TOGARAM1: variants seen among roughly 807,000 people sequenced by gnomAD.
TOGARAM1 encodes the protein TOG array regulator of axonemal microtubules protein 1.
TOGARAM1 carries 100 observed loss-of-function variants against 166.6 expected under a neutral mutation model. The observed-to-expected ratio is 0.60, with a 90% CI of 0.51 to 0.71. The LOEUF is 0.71. Among genes scored for constraint, TOGARAM1 ranks in the 30% least tolerant of loss-of-function variants. The probability of loss-of-function intolerance (pLI) is 0.00; values close to 1 mark genes in which losing one functional copy is unlikely to be tolerated. For synonymous variants in TOGARAM1, 758 were observed against 763.8 expected (o/e 0.99, Z 0.13); for missense variants, 2,029 against 2,102.7 (o/e 0.96, Z 0.69).
At position 45,070,148 on chromosome 14, in the gene TOGARAM1, C is replaced by CT. The variant is rs573482461; in HGVS notation, c.4969+1507dup. Among the ~76,000 whole-genome samples the CT allele has an allele frequency of 1.4e-4, 21 of 152,136 alleles. No homozygotes were observed. The East Asian group carries it at 3.7e-3, about 27-fold the overall frequency. On this transcript the variant is annotated intron_variant, in intron 18 of 19. Coordinates refer to ENST00000361462, the MANE Select transcript of TOGARAM1 (RefSeq NM_001308120.2). Reference sequence around the variant, plus strand: ...AGTGAACCAAGATCACGCCACTGCACTTCAGCCTGGATGACAGAGTGAGAC... The same window carrying CT: ...AGTGAACCAAGATCACGCCACTGCACTTTCAGCCTGGATGACAGAGTGAGAC...
At chr14:45,051,415 C>A (rs897686379) in intron 14 of TOGARAM1, among the ~76,000 whole-genome samples, 1 of 152,122 alleles carries the variant, frequency 6.6e-6, no homozygotes, top group Non-Finnish European at 1.5e-5. Flanking sequence ...TCACAATTCT[C>A]CCAAATGCCA....
chr14:45,034,795 ATATT>A (rs1323533854), intron 11 of TOGARAM1, among the ~76,000 whole-genome samples: 1 of 152,230 alleles, frequency 6.6e-6, no homozygotes, highest in Non-Finnish European at 1.5e-5. Context: ...AAGCTGAAGA[ATATT>A]TATAGGAATA....
At chr14:44,999,121 T>A (rs1303473106) in intron 2 of TOGARAM1, among the ~76,000 whole-genome samples, 2 of 152,200 alleles carry the variant, frequency 1.3e-5, no homozygotes, top group Admixed American at 6.5e-5. Flanking sequence ...TTTGCAGATA[T>A]TCTTCAACAT....
chr14:44,992,139 A>T (rs1361774605), intron 1 of TOGARAM1, among the ~76,000 whole-genome samples: 2 of 149,614 alleles, frequency 1.3e-5, no homozygotes, highest in African/African-American at 2.4e-5. Flanking sequence ...TATAGCACTT[A>T]TAAGGGGTTT....
At chr14:45,069,806 G>C (rs1030024631) in intron 18 of TOGARAM1, among the ~76,000 whole-genome samples, 1 of 152,160 alleles carries the variant, frequency 6.6e-6, no homozygotes, top group African/African-American at 2.4e-5. Context: ...AGGTTTGGCA[G>C]TTTCTTTAAA....
In TOGARAM1 at chr14:45,043,797, C is replaced by T; in HGVS notation, c.3918+6C>T. The T allele has an allele frequency of 3.3e-6, 5 of 1,509,956 alleles. No individual in the cohort carries two copies. The highest frequency in any genetic ancestry group is 4.6e-6 in the Non-Finnish European group (5 of 1,085,496). 93.5% of individuals were successfully genotyped at this position (1,509,956 alleles called of 1,614,324 possible). A position where few individuals can be genotyped will look rare whatever the true frequency, so the allele number is the denominator to read the frequency against. On this transcript the variant is annotated splice_donor_region_variant and intron_variant, in intron 12 of 19. Transcript: ENST00000361462. The stretch of plus-strand genomic sequence containing the variant: ...ATTTTGCAGTTGTTCAAGAGGTAAA[C>T]TTATTTTTCAGATGAGTTAAGGATT...
chr14:44,975,051 A>T (rs1001180330), intron 1 of TOGARAM1, among the ~76,000 whole-genome samples: 2 of 152,104 alleles, frequency 1.3e-5, no homozygotes, highest in Admixed American at 1.3e-4. Context: ...TAACAAAGAG[A>T]TTCTTGCTTC....
chr14:45,054,368 G>T, intron 15 of TOGARAM1, 63 bp from the exon 16 acceptor site: 3 of 995,772 alleles, frequency 3.0e-6, no homozygotes, highest in South Asian at 1.6e-5. Flanking sequence ...AAATTACATT[G>T]TGTAAATTAT....
chr14:45,050,296 A>C (rs1343396834), intron 14 of TOGARAM1, among the ~76,000 whole-genome samples: 1 of 152,184 alleles, frequency 6.6e-6, no homozygotes, highest in Non-Finnish European at 1.5e-5. Context: ...TCTTTAGCCC[A>C]GGCTGGAGTA....
chr14:44,980,091 CAG>C (rs1159373922), intron 1 of TOGARAM1, among the ~76,000 whole-genome samples: 2 of 152,150 alleles, frequency 1.3e-5, no homozygotes, highest in African/African-American at 4.8e-5. Context: ...TAGCAGGTCT[CAG>C]TACTTCCTTT....
At chr14:45,067,175 T>G (rs1883176357) in intron 17 of TOGARAM1, among the ~76,000 whole-genome samples, 1 of 152,110 alleles carries the variant, frequency 6.6e-6, no homozygotes, top group South Asian at 2.1e-4. Context: ...AAAAGCATAC[T>G]AGAACAACTC....
intron 3 of TOGARAM1, among the ~76,000 whole-genome samples, chr14:45,002,429 A>AG (rs1233160773): frequency 1.3e-5 from 2 of 152,200 alleles, no homozygotes; most frequent in Non-Finnish European, 2.9e-5. Context: ...GCTGGTATAA[A>AG]GGGATACCAC....
At chr14:45,057,807 T>C (rs1473677675) in intron 16 of TOGARAM1, among the ~76,000 whole-genome samples, 1 of 152,238 alleles carries the variant, frequency 6.6e-6, no homozygotes, top group Non-Finnish European at 1.5e-5. Context: ...AAGAAGATAC[T>C]TGATTTGATT....
At chr14:45,048,055 CAAAA>C (rs1258401220) in intron 14 of TOGARAM1, among the ~76,000 whole-genome samples, 1 of 88,012 alleles carries the variant, frequency 1.1e-5, no homozygotes, top group Non-Finnish European at 2.4e-5. Context: ...GACTCCATCT[CAAAA>C]AAAAAAAAAA....
In TOGARAM1 at chr14:45,054,455, A is replaced by G; in HGVS notation, c.4465A>G (p.Thr1489Ala). 6.2e-7 allele frequency: 1 copy of G among 1,611,726 alleles called. No individual in the cohort carries two copies. The highest frequency in any genetic ancestry group is 8.5e-7 in the Non-Finnish European group (1 of 1,178,358). ...GGGTTTGGGGGAGATACCATTAGAT[A>G]CTCCTTCAGCAAAAGGAAGACGATC... ...QKGLGEIPLD[T>A]PSAKGRRSHT... Residue 1489 changes from threonine (T) to alanine (A), a missense_variant, in exon 16 of 20, where the codon ACT becomes GCT. This residue lies in a region of TOGARAM1 where 576 missense variants were observed against 670.5 expected (regional missense o/e 0.86). Transcript: ENST00000361462.
intron 10 of TOGARAM1, among the ~76,000 whole-genome samples, chr14:45,028,587 A>G (rs1270929172): frequency 2.6e-5 from 4 of 152,116 alleles, no homozygotes; most frequent in Non-Finnish European, 5.9e-5. Context: ...TTCCTGTTTT[A>G]CTGAGGAGTG....
chr14:45,023,299 T>C (rs1302103075), intron 7 of TOGARAM1, among the ~76,000 whole-genome samples: 1 of 152,208 alleles, frequency 6.6e-6, no homozygotes, highest in Admixed American at 6.5e-5. Flanking sequence ...GAAATGTGGC[T>C]GGGTTGAGTT....
At chr14:45,019,599 C>T (rs996457244) in intron 7 of TOGARAM1, among the ~76,000 whole-genome samples, 2 of 152,130 alleles carry the variant, frequency 1.3e-5, no homozygotes, top group African/African-American at 2.4e-5. Context: ...ATCAATGTCC[C>T]CTCCTGCTGT....
At chr14:45,066,260 A>G (rs1883133317) in intron 16 of TOGARAM1, among the ~76,000 whole-genome samples, 1 of 152,188 alleles carries the variant, frequency 6.6e-6, no homozygotes, top group African/African-American at 2.4e-5. Context: ...TTAAAAGCTT[A>G]GATCTGGTTT....
Sources: allele counts gnomAD v4.1 joint callset (sites outside exome capture counted in the v4.1 genomes callset), GRCh38; gene constraint gnomAD v4.1.1; regional missense constraint gnomAD v4.1.1; transcripts MANE v1.5; gene names NCBI Gene and HGNC (gene_info 2026-07-23, HGNC 2026-07-21).